The following SLC8A3 variants were observed in gnomAD, a reference collection of about 807,000 sequenced individuals.
SLC8A3 encodes sodium/calcium exchanger 3.
Under a neutral mutation model 65.4 loss-of-function variants are expected in SLC8A3, and 37 were observed. That is an observed-to-expected ratio of 0.57 (90% CI 0.44 to 0.74). The LOEUF is 0.74. SLC8A3 is among the 30% of genes least tolerant of loss of function. SLC8A3 has a pLI of 0.00. For synonymous variants in SLC8A3, 461 were observed against 444.5 expected, an observed-to-expected ratio of 1.04 and a Z score of -0.47; for missense variants, 1,112 against 1,172.1, an observed-to-expected ratio of 0.95 and a Z score of 0.75.
At chr14:70,123,052 G>A (rs1167067373) in intron 2 of SLC8A3, among the ~76,000 whole-genome samples, 5 of 129,886 alleles carry the variant, frequency 3.8e-5, no homozygotes, top group African/African-American at 1.5e-4. Context: ...AGCCTGGGGC[G>A]ACACAGCAAG....
chr14:70,103,565 G>T (rs1215150517), intron 2 of SLC8A3, among the ~76,000 whole-genome samples: 1 of 151,962 alleles, frequency 6.6e-6, no homozygotes, highest in Non-Finnish European at 1.5e-5. Flanking sequence ...TATTTTATGT[G>T]AAGTGGTACA....
intron 3 of SLC8A3, among the ~76,000 whole-genome samples, chr14:70,055,134 C>T (rs1223943406): frequency 6.6e-6 from 1 of 152,114 alleles, no homozygotes; most frequent in Non-Finnish European, 1.5e-5. Flanking sequence ...GCATGAGAAT[C>T]TCTTCAAAAT....
intron 2 of SLC8A3, among the ~76,000 whole-genome samples, chr14:70,127,529 A>G (rs1438112368): frequency 6.6e-6 from 1 of 152,136 alleles, no homozygotes. Flanking sequence ...GGTGATGGTG[A>G]TGGGTTAAAC....
In SLC8A3 at chr14:70,051,102, C is replaced by A. The variant is rs781373778; in HGVS notation, c.2019G>T (p.Thr673=). 4 of 1,610,982 alleles carry A rather than the reference C, an allele frequency of 2.5e-6. No individual in the cohort carries two copies. The South Asian group carries it at 3.3e-5, about 13-fold the overall frequency. The change falls in exon 5 of 7, where the codon ACG becomes ACT. Residue 673 remains threonine, a synonymous_variant. Coordinates refer to ENST00000356921, the MANE Select transcript of SLC8A3 (RefSeq NM_182932.3). ...TTGTCTTCTTGATCAGTTTGTCCAC[C>A]GTAGTCTGTTAAGAAGAGAAAAACT... ...IIEESYEFKT[T]VDKLIKKTNL...
intron 1 of SLC8A3, among the ~76,000 whole-genome samples, chr14:70,175,451 G>A (rs1215450631): frequency 6.6e-6 from 1 of 152,180 alleles, no homozygotes; most frequent in Admixed American, 6.5e-5. Context: ...TTAAGCTCCA[G>A]GAGATGAAAG....
intron 1 of SLC8A3, among the ~76,000 whole-genome samples, chr14:70,179,091 T>C (rs75879481): frequency 0.033 from 5,097 of 152,310 alleles, 155 homozygotes; most frequent in South Asian, 0.18. Flanking sequence ...GCATGTGTCT[T>C]AGGACTTTTG....
In SLC8A3 at chr14:70,045,408, A is replaced by G. The variant is rs1439797353; in HGVS notation, c.*539T>C. On this transcript the variant is annotated 3_prime_UTR_variant, in exon 7 of 7. Coordinates refer to ENST00000356921, the MANE Select transcript of SLC8A3 (RefSeq NM_182932.3). ...GCACCTTTTTCACTCACTTCAGAAA[A>G]AAAAGACAAAACAAAATAATAAGCA... The G allele has an allele frequency of 6.6e-6, 1 of 152,214 alleles. No individual in the cohort carries two copies. The highest frequency in any genetic ancestry group is 2.4e-5 in the African/African-American group (1 of 41,440). 9.4% of individuals were successfully genotyped at this position (152,214 alleles called of 1,614,324 possible). A position where few individuals can be genotyped will look rare whatever the true frequency, so the allele number is the denominator to read the frequency against.
At chr14:70,175,759 C>T (rs1433075131) in intron 1 of SLC8A3, among the ~76,000 whole-genome samples, 1 of 137,790 alleles carries the variant, frequency 7.3e-6, no homozygotes, top group African/African-American at 2.8e-5. Context: ...TTTTGAGAGG[C>T]AGTTTCACTC....
chr14:70,063,900 T>C, intron 2 of SLC8A3: 1 of 1,609,504 alleles, frequency 6.2e-7, no homozygotes, highest in South Asian at 1.1e-5. Context: ...ATATGCCTCA[T>C]CATCAATTAC....
chr14:70,173,974 GT>G (rs1344769420), intron 1 of SLC8A3, among the ~76,000 whole-genome samples: 1 of 152,218 alleles, frequency 6.6e-6, no homozygotes, highest in African/African-American at 2.4e-5. Context: ...CATTATTAAT[GT>G]TTTGAATCTT....
At chr14:70,064,467 C>T (rs1889181076) in intron 2 of SLC8A3, among the ~76,000 whole-genome samples, 1 of 140,982 alleles carries the variant, frequency 7.1e-6, no homozygotes, top group Admixed American at 7.8e-5. Flanking sequence ...AAATCTTGCC[C>T]AGAAATAGTA....
intron 2 of SLC8A3, among the ~76,000 whole-genome samples, chr14:70,078,887 C>T (rs1261510415): frequency 1.3e-5 from 2 of 152,180 alleles, no homozygotes; most frequent in African/African-American, 4.8e-5. Context: ...TGAGGCTAAG[C>T]TTCTAGCACA....
chr14:70,094,728 G>A (rs1239903411), intron 2 of SLC8A3, among the ~76,000 whole-genome samples: 1 of 152,228 alleles, frequency 6.6e-6, no homozygotes, highest in East Asian at 1.9e-4. Context: ...TGCCTCCAGA[G>A]CTCTGAGCTG....
At chr14:70,118,296 C>A (rs1341069779) in intron 2 of SLC8A3, among the ~76,000 whole-genome samples, 2 of 152,198 alleles carry the variant, frequency 1.3e-5, no homozygotes, top group Non-Finnish European at 2.9e-5. Context: ...AGGGCAGATT[C>A]CAAATGCTCC....
At chr14:70,114,902 T>C (rs1595008540) in intron 2 of SLC8A3, among the ~76,000 whole-genome samples, 1 of 152,008 alleles carries the variant, frequency 6.6e-6, no homozygotes, top group East Asian at 1.9e-4. Flanking sequence ...TGTTTCCTTG[T>C]CTCTTCCTCT....
intron 2 of SLC8A3, among the ~76,000 whole-genome samples, chr14:70,140,729 C>T (rs1421041902): frequency 6.6e-6 from 1 of 152,164 alleles, no homozygotes; most frequent in Non-Finnish European, 1.5e-5. Context: ...CACCCTTTTC[C>T]CTGAAAACTT....
In SLC8A3 at chr14:70,156,083, C is replaced by A. The variant is rs1896552796; in HGVS notation, c.1784+10556G>T. 1.3e-5 allele frequency among the ~76,000 whole-genome samples: 2 copies of A among 152,142 alleles called. 1 individual carries two copies. The highest frequency in any genetic ancestry group is 4.1e-4 in the South Asian group (2 of 4,834). ...CATGGGTTCCACAGGGAGGGGCAGA[C>A]CATGAAAAAGGCCTGCGGTGGGGAG... On this transcript the variant is annotated intron_variant, in intron 2 of 6. Coordinates refer to ENST00000356921, the MANE Select transcript of SLC8A3 (RefSeq NM_182932.3).
At chr14:70,060,555 AT>A (rs749098094) in intron 3 of SLC8A3, 1 of 546,750 alleles carries the variant, frequency 1.8e-6, no homozygotes, top group Non-Finnish European at 3.4e-6. Flanking sequence ...CATTAGGGTA[AT>A]GAGGAGTTGA....
Position 70,045,861 on chromosome 14 carries a change from G to A in SLC8A3, c.*86C>T, listed in dbSNP as rs879243079. The stretch of plus-strand genomic sequence containing the variant: ...CCTGATGCTGCCTCTCCAGGGCAGT[G>A]CAGTCGGGAGAGATCACTGGTGGGG... On this transcript the variant is annotated 3_prime_UTR_variant, in exon 7 of 7. Coordinates refer to ENST00000356921, the MANE Select transcript of SLC8A3 (RefSeq NM_182932.3). 1.5e-6 allele frequency: 2 copies of A among 1,317,506 alleles called. No homozygotes were observed. The highest frequency in any genetic ancestry group is 3.1e-5 in the South Asian group (2 of 64,402). 81.6% of individuals were successfully genotyped at this position (1,317,506 alleles called of 1,614,324 possible). A position where few individuals can be genotyped will look rare whatever the true frequency, so the allele number is the denominator to read the frequency against.
Sources: allele counts gnomAD v4.1 joint callset (sites outside exome capture counted in the v4.1 genomes callset), GRCh38; gene constraint gnomAD v4.1.1; transcripts MANE v1.5; gene names NCBI Gene and HGNC (gene_info 2026-07-23, HGNC 2026-07-21).